Variants in MAP4 observed in about 807,000 individuals in gnomAD.
MAP4 encodes microtubule associated protein 4.
Under a neutral mutation model 170.2 loss-of-function variants are expected in MAP4, and 76 were observed. The observed-to-expected ratio is 0.45, with a 90% confidence interval of 0.37 to 0.54. The LOEUF (loss-of-function observed/expected upper bound fraction) is 0.54. Ranked by LOEUF, MAP4 falls within the 20% of genes least tolerant of loss-of-function variation. The pLI, the probability that MAP4 is intolerant of heterozygous loss-of-function variation, is 0.00. For synonymous variants in MAP4, 909 were observed against 994.5 expected, an observed-to-expected ratio of 0.91 and a Z score of 1.62; for missense variants, 2,506 against 2,748.0, an observed-to-expected ratio of 0.91 and a Z score of 1.97.
At chr3:47,973,633 G>A (rs930305209) in intron 3 of MAP4, 53 of 985,154 alleles carry the variant, frequency 5.4e-5, no homozygotes, top group Non-Finnish European at 3.0e-5. Flanking sequence ...ATAAATAAAT[G>A]TCAATCATGA....
intron 11 of MAP4, 104 bp from the exon 12 acceptor site, chr3:47,876,004 A>G: frequency 1.2e-6 from 1 of 855,966 alleles, no homozygotes; most frequent in East Asian, 2.6e-5. Context: ...TGCACAATTC[A>G]AAGTAAAATT....
Position 47,867,481 on chromosome 3 carries a change from G to C in MAP4, c.6409-143C>G, listed in dbSNP as rs533335547. 23 of 667,716 alleles carry C rather than the reference G, an allele frequency of 3.4e-5. No homozygotes were observed. The African/African-American group carries it at 3.7e-4, about 11-fold the overall frequency. The allele number at this position is 667,716 out of a possible 1,614,324, so 41.4% of individuals were successfully genotyped here. ...CTCCACCCCCACCTTCTACAGAACA[G>C]ATGTGGAAAAGCACAGGAAAAGAAA... On this transcript the variant is annotated intron_variant, in intron 16 of 20. Coordinates refer to ENST00000683076, the MANE Select transcript of MAP4 (RefSeq NM_001385682.1).
At chr3:48,002,241 C>CAAAAA (rs576739213) in intron 1 of MAP4, among the ~76,000 whole-genome samples, 1 of 84,670 alleles carries the variant, frequency 1.2e-5, no homozygotes, top group African/African-American at 5.5e-5. Context: ...ACTCTAGTCT[C>CAAAAA]AAAAAGAAAA....
intron 10 of MAP4, among the ~76,000 whole-genome samples, chr3:47,895,156 C>A (rs1048698020): frequency 6.6e-6 from 1 of 152,180 alleles, no homozygotes; most frequent in Non-Finnish European, 1.5e-5. Context: ...TCACCCCCCA[C>A]AAACGACACA....
At chr3:47,994,897 A>C (rs1490326827) in intron 2 of MAP4, among the ~76,000 whole-genome samples, 1 of 151,688 alleles carries the variant, frequency 6.6e-6, no homozygotes, top group Non-Finnish European at 1.5e-5. Flanking sequence ...TGCAGTGAGC[A>C]GAGATCGTGC....
intron 1 of MAP4, among the ~76,000 whole-genome samples, chr3:48,047,465 G>A (rs1419335348): frequency 6.6e-6 from 1 of 152,096 alleles, no homozygotes; most frequent in East Asian, 1.9e-4. Context: ...TTTAGGGGTG[G>A]GGAGGAAGCC....
intron 1 of MAP4, among the ~76,000 whole-genome samples, chr3:48,014,062 T>C (rs1262627772): frequency 6.6e-6 from 1 of 152,178 alleles, no homozygotes; most frequent in Non-Finnish European, 1.5e-5. Context: ...ACAATCTCAC[T>C]ATTAAGAGCT....
At chr3:47,988,021 C>T (rs1024859022) in intron 2 of MAP4, among the ~76,000 whole-genome samples, 1 of 151,890 alleles carries the variant, frequency 6.6e-6, no homozygotes, top group African/African-American at 2.4e-5. Context: ...GGTGAAACCC[C>T]GTCTCTACTA....
At chr3:47,990,090 C>A (rs942139250) in intron 2 of MAP4, among the ~76,000 whole-genome samples, 7 of 152,182 alleles carry the variant, frequency 4.6e-5, no homozygotes, top group Non-Finnish European at 1.0e-4. Context: ...ACAGCCAGGT[C>A]TCAATGCAAG....
At chr3:48,041,383 A>G (rs562283508) in intron 1 of MAP4, among the ~76,000 whole-genome samples, 2 of 152,184 alleles carry the variant, frequency 1.3e-5, no homozygotes, top group African/African-American at 4.8e-5. Context: ...AAGTGCTGAG[A>G]TAACAGGCAT....
chr3:47,936,599 A>G (rs577440483), intron 3 of MAP4, among the ~76,000 whole-genome samples: 10 of 152,302 alleles, frequency 6.6e-5, no homozygotes, highest in African/African-American at 2.2e-4. Context: ...ACATTGAGGA[A>G]ATCTCTAAAA....
intron 9 of MAP4, among the ~76,000 whole-genome samples, chr3:47,906,010 C>G (rs973903897): frequency 1.4e-5 from 2 of 148,002 alleles, no homozygotes; most frequent in African/African-American, 2.5e-5. Flanking sequence ...ACAAAAAAAA[C>G]AAACAAAAAA....
At chr3:47,956,139 T>G (rs756154085) in intron 3 of MAP4, among the ~76,000 whole-genome samples, 3 of 152,086 alleles carry the variant, frequency 2.0e-5, no homozygotes, top group Non-Finnish European at 2.9e-5. Flanking sequence ...TAGCTTGGCA[T>G]GTGCAGCACG....
chr3:47,861,840 C>T (rs2066692367), intron 17 of MAP4, among the ~76,000 whole-genome samples: 3 of 151,624 alleles, frequency 2.0e-5, no homozygotes, highest in Admixed American at 2.0e-4. Flanking sequence ...GCCTGGGCCA[C>T]AGAGTGAGAC....
At chr3:47,990,431 T>G (rs550943420) in intron 2 of MAP4, among the ~76,000 whole-genome samples, 29 of 152,294 alleles carry the variant, frequency 1.9e-4, no homozygotes, top group African/African-American at 7.0e-4. Flanking sequence ...GGCAACACAG[T>G]GAGACCTTGT....
rs1356500854 is a variant in MAP4, at chr3:47,918,706, T to TCTAATAGTTTACCTGC, written c.649_652+12dup. On this transcript the variant is annotated intron_variant, in intron 6 of 20. Transcript: ENST00000683076. ...CAACCATTAACTGATAAAGGGAGTC[T>TCTAATAGTTTACCTGC]CTAATAGTTTACCTGCCGTTGGCTG... 1 of 1,600,330 alleles carries TCTAATAGTTTACCTGC rather than the reference T, an allele frequency of 6.2e-7. No homozygotes were observed. Among genetic ancestry groups the TCTAATAGTTTACCTGC allele is most frequent in the Non-Finnish European group, 8.6e-7 (1 of 1,168,174 alleles).
intron 2 of MAP4, among the ~76,000 whole-genome samples, chr3:47,982,167 TA>T (rs555156784): frequency 5.9e-5 from 9 of 151,912 alleles, no homozygotes; most frequent in African/African-American, 2.2e-4. Context: ...AAGGGAGATT[TA>T]AAAAAAACAT....
intron 1 of MAP4, among the ~76,000 whole-genome samples, chr3:48,068,612 A>G (rs1277338068): frequency 6.6e-6 from 1 of 151,862 alleles, no homozygotes; most frequent in Non-Finnish European, 1.5e-5. Context: ...GTGAAATCCC[A>G]TCTCTACTAA....
intron 10 of MAP4, among the ~76,000 whole-genome samples, chr3:47,897,965 A>G (rs1399165770): frequency 6.6e-6 from 1 of 151,660 alleles, no homozygotes; most frequent in Non-Finnish European, 1.5e-5. Context: ...AAAAAAAAGA[A>G]AGAATGGTCC....
Sources: allele counts gnomAD v4.1 joint callset (sites outside exome capture counted in the v4.1 genomes callset), GRCh38; gene constraint gnomAD v4.1.1; transcripts MANE v1.5; gene names NCBI Gene and HGNC (gene_info 2026-07-23, HGNC 2026-07-21).